SPN: variants seen among roughly 807,000 people sequenced by gnomAD.
The protein encoded by SPN is sialophorin.
Under a neutral mutation model 8.4 loss-of-function variants are expected in SPN, and 6 were observed. The observed-to-expected ratio is 0.72, with a 90% CI of 0.39 to 1.42. The LOEUF (loss-of-function observed/expected upper bound fraction) is 1.42. Ranked by LOEUF, SPN falls within the 40% of genes most tolerant of loss-of-function variation. The probability of loss-of-function intolerance (pLI) is 0.02; values close to 1 mark genes in which losing one functional copy is unlikely to be tolerated. For synonymous variants in SPN, 201 were observed against 222.6 expected, an observed-to-expected ratio of 0.90 and a Z score of 0.86; for missense variants, 517 against 530.6, an observed-to-expected ratio of 0.97 and a Z score of 0.25.
Position 29,667,066 on chromosome 16 carries a change from G to C in SPN, c.*2135G>C, listed in dbSNP as rs1966826447. 1 of 469,108 alleles carries C rather than the reference G, an allele frequency of 2.1e-6. No homozygotes were observed. Among genetic ancestry groups the C allele is most frequent in the Admixed American group, 2.4e-5 (1 of 42,514 alleles). 29.1% of individuals were successfully genotyped at this position (469,108 alleles called of 1,614,324 possible). On this transcript the variant is annotated 3_prime_UTR_variant, in exon 2 of 2. Transcript: ENST00000652691. ...CGTGCAGTGGGAGAGGAGACGGAGG[G>C]AGGGAGCGGGAAGGGGCTTGCTTAG... is the stretch of plus-strand genomic sequence containing the variant.
Position 29,663,746 on chromosome 16 carries a change from T to C in SPN, c.18T>C (p.Leu6=). 5.7e-6 allele frequency: 9 copies of C among 1,575,222 alleles called. No homozygotes were observed. Among genetic ancestry groups the C allele is most frequent in the Non-Finnish European group, 6.9e-6 (8 of 1,162,548 alleles). ...GCCTGGAAATGGCCACGCTTCTCCT[T>C]CTCCTTGGGGTGCTGGTGGTAAGCC... is the stretch of plus-strand genomic sequence containing the variant. The part of the protein sequence containing the change: MATLL[L]LLGVLVVSPD... The change falls in exon 2 of 2, where the codon CTT becomes CTC. Residue 6 remains leucine, a synonymous_variant. Coordinates refer to ENST00000652691, the MANE Select transcript of SPN (RefSeq NM_003123.6). The surrounding 1 kb of genome is among the most constrained non-coding windows in gnomAD (Gnocchi z 4.3).
Position 29,663,610 on chromosome 16 carries a change from TGGCAGGGAAGTG to T in SPN, c.-34-79_-34-68del. The T allele has an allele frequency of 7.1e-7, 1 of 1,417,544 alleles. No homozygotes were observed. Among genetic ancestry groups the T allele is most frequent in the South Asian group, 1.4e-5 (1 of 70,808 alleles). The allele number at this position is 1,417,544 out of a possible 1,614,324, so 87.8% of individuals were successfully genotyped here. On this transcript the variant is annotated intron_variant, in intron 1 of 1. Transcript: ENST00000652691. The surrounding 1 kb of genome is among the most constrained non-coding windows in gnomAD (Gnocchi z 4.3). ...TAAACCGCAGGTTGGGCCTGGCCGT[TGGCAGGGAAGTG>T]GGCAGAGGGGAGGCCCGGCCAGGTC... is the stretch of plus-strand genomic sequence containing the variant.
chr16:29,669,562 G>A lies in SPN; in HGVS notation c.*4631G>A, dbSNP rs985653357. On this transcript the variant is annotated 3_prime_UTR_variant, in exon 2 of 2. Coordinates refer to ENST00000652691, the MANE Select transcript of SPN (RefSeq NM_003123.6). ...GCAAAAGAAGCAGTGGATATTTTAA[G>A]ACTAAAAAGGAAAACAAAAAAAGGA... 1.8e-5 allele frequency: 3 copies of A among 164,738 alleles called. No homozygotes were observed. The highest frequency in any genetic ancestry group is 4.4e-5 in the Non-Finnish European group (3 of 67,866). The allele number at this position is 164,738 out of a possible 1,614,324, so 10.2% of individuals were successfully genotyped here.
In SPN at chr16:29,664,434, A is replaced by T. The variant is rs752476541; in HGVS notation, c.706A>T (p.Thr236Ser). 8.1e-6 allele frequency: 13 copies of T among 1,613,942 alleles called. No individual in the cohort carries two copies. The highest frequency in any genetic ancestry group is 7.7e-5 in the South Asian group (7 of 91,076). ...ACTATCTACAATGATGTCTCCAACG[A>T]CCTCCACCAACGCAAGCACTGTGCC... ...VKLSTMMSPT[T>S]STNASTVPFR... The change falls in exon 2 of 2, where the codon ACC becomes TCC. Residue 236 changes from threonine to serine, a missense_variant. Thr to Ser is a moderately conservative substitution (Grantham distance 58). Transcript: ENST00000652691. This position sits in a 1 kb window ranked among gnomAD's most constrained non-coding sequence, Gnocchi z 6.4.
In SPN at chr16:29,663,960, T is replaced by G. The variant is rs763545908; in HGVS notation, c.232T>G (p.Trp78Gly). 11 of 1,614,026 alleles carry G rather than the reference T, an allele frequency of 6.8e-6. No individual in the cohort carries two copies. Among genetic ancestry groups the G allele is most frequent in the Non-Finnish European group, 9.3e-6 (11 of 1,180,042 alleles). The change falls in exon 2 of 2, where the codon TGG (tryptophan) becomes GGG (glycine). Residue 78 changes from tryptophan (W) to glycine (G), a missense_variant. Trp to Gly is a radical substitution (Grantham distance 184, BLOSUM62 -2). Coordinates refer to ENST00000652691, the MANE Select transcript of SPN (RefSeq NM_003123.6). The surrounding 1 kb of genome is among the most constrained non-coding windows in gnomAD (Gnocchi z 4.3). ...STSINEGSPL[W>G]TSIGASTGSP... ...TTCCATCAATGAGGGATCCCCTCTT[T>G]GGACTTCCATTGGTGCCAGCACTGG... is the stretch of plus-strand genomic sequence containing the variant.
In SPN at chr16:29,664,582, C is replaced by G; in HGVS notation, c.854C>G (p.Thr285Ser). The change falls in exon 2 of 2, where the codon ACT becomes AGT. Residue 285 changes from threonine (T) to serine (S), a missense_variant. Coordinates refer to ENST00000652691, the MANE Select transcript of SPN (RefSeq NM_003123.6). The surrounding 1 kb of genome is among the most constrained non-coding windows in gnomAD (Gnocchi z 6.4). The stretch of plus-strand genomic sequence containing the variant: ...TGGCGCCGGCGGCAGAAGCGGCGGA[C>G]TGGGGCCCTCGTGCTGAGCAGAGGC... ...LLWRRRQKRR[T>S]GALVLSRGGK... 1 of 1,611,638 alleles carries G rather than the reference C, an allele frequency of 6.2e-7. No homozygotes were observed. The highest frequency in any genetic ancestry group is 1.1e-5 in the South Asian group (1 of 90,850).
In SPN at chr16:29,664,554, CT is replaced by C. The variant is rs778695306; in HGVS notation, c.827del (p.Leu276ArgfsTer15). ...CATAGTCCTCGTGGCTCTGCTCCTG[CT>C]GTGGCGCCGGCGGCAGAAGCGGCGG... ...AVIVLVALLL[L>X]WRRRQKRRTG... On this transcript the variant is annotated frameshift_variant, in exon 2 of 2. Coordinates refer to ENST00000652691, the MANE Select transcript of SPN (RefSeq NM_003123.6). LOFTEE classifies it high-confidence loss of function. This position sits in a 1 kb window ranked among gnomAD's most constrained non-coding sequence, Gnocchi z 6.4. 2 of 1,613,520 alleles carry C rather than the reference CT, an allele frequency of 1.2e-6. No individual in the cohort carries two copies. The highest frequency in any genetic ancestry group is 3.3e-5 in the Admixed American group (2 of 59,962).
Position 29,663,661 on chromosome 16 carries a change from C to T in SPN, c.-34-34C>T, listed in dbSNP as rs1490543896. 2.8e-5 allele frequency: 43 copies of T among 1,511,840 alleles called. No individual in the cohort carries two copies. The highest frequency in any genetic ancestry group is 5.0e-4 in the Middle Eastern group (2 of 3,994). 93.7% of individuals were successfully genotyped at this position (1,511,840 alleles called of 1,614,324 possible). A position where few individuals can be genotyped will look rare whatever the true frequency, so the allele number is the denominator to read the frequency against. ...CCCGGCCAGGTCCTCCGGCAACTCCCGCGTGTTCTGCTTCTCCGGCTGCCC... is the reference window on the plus strand; with the variant it reads ...CCCGGCCAGGTCCTCCGGCAACTCCTGCGTGTTCTGCTTCTCCGGCTGCCC... On this transcript the variant is annotated intron_variant, in intron 1 of 1. Transcript: ENST00000652691. This position sits in a 1 kb window ranked among gnomAD's most constrained non-coding sequence, Gnocchi z 4.3.
Position 29,663,859 on chromosome 16 carries a change from T to C in SPN, c.131T>C (p.Met44Thr). 1 of 1,614,086 alleles carries C rather than the reference T, an allele frequency of 6.2e-7. No homozygotes were observed. Among genetic ancestry groups the C allele is most frequent in the East Asian group, 2.2e-5 (1 of 44,866 alleles). Reference sequence around the variant, plus strand: ...ACTAGCGAGCCCCTGAGCTCAAAGATGTACACCACTTCAATAACAAGTGAC... The same window carrying C: ...ACTAGCGAGCCCCTGAGCTCAAAGACGTACACCACTTCAATAACAAGTGAC... The part of the protein sequence containing the change: ...VSTSEPLSSK[M>T]YTTSITSDPK... The change falls in exon 2 of 2, where the codon ATG becomes ACG. Residue 44 changes from methionine to threonine, a missense_variant. Coordinates refer to ENST00000652691, the MANE Select transcript of SPN (RefSeq NM_003123.6). This position sits in a 1 kb window ranked among gnomAD's most constrained non-coding sequence, Gnocchi z 4.3.
chr16:29,667,043 T>G lies in SPN; in HGVS notation c.*2112T>G, dbSNP rs1211339733. On this transcript the variant is annotated 3_prime_UTR_variant, in exon 2 of 2. Coordinates refer to ENST00000652691, the MANE Select transcript of SPN (RefSeq NM_003123.6). ...AAGGGTCAGGTGGGGGATGGGCTCG[T>G]GCAGTGGGAGAGGAGACGGAGGGAG... The G allele has an allele frequency of 2.1e-6, 1 of 470,014 alleles. No individual in the cohort carries two copies. The highest frequency in any genetic ancestry group is 4.4e-6 in the Non-Finnish European group (1 of 226,584). The allele number at this position is 470,014 out of a possible 1,614,324, so 29.1% of individuals were successfully genotyped here. A position where few individuals can be genotyped will look rare whatever the true frequency, so the allele number is the denominator to read the frequency against.
At position 29,668,281 on chromosome 16, in the gene SPN, C is replaced by T. The variant is rs1966839455; in HGVS notation, c.*3350C>T. The T allele has an allele frequency of 6.5e-6, 1 of 154,382 alleles. No homozygotes were observed. The highest frequency in any genetic ancestry group is 1.5e-5 in the Non-Finnish European group (1 of 68,046). 9.6% of individuals were successfully genotyped at this position (154,382 alleles called of 1,614,324 possible). ...TGTTGTCCCGGCTGGTCTCAAACTC[C>T]CGGGCACAAGAGATCCACCTGCCTC... On this transcript the variant is annotated 3_prime_UTR_variant, in exon 2 of 2. Coordinates refer to ENST00000652691, the MANE Select transcript of SPN (RefSeq NM_003123.6).
chr16:29,670,809 G>C lies in SPN; in HGVS notation c.*5878G>C. On this transcript the variant is annotated 3_prime_UTR_variant, in exon 2 of 2. Coordinates refer to ENST00000652691, the MANE Select transcript of SPN (RefSeq NM_003123.6). ...TGAGTTTATGTGTGATTTTTATTTT[G>C]TTTATGCTCTTCTGTATTTTCCGAA... 2.2e-6 allele frequency: 1 copy of C among 453,860 alleles called. No homozygotes were observed. The allele number at this position is 453,860 out of a possible 1,614,324, so 28.1% of individuals were successfully genotyped here. A position where few individuals can be genotyped will look rare whatever the true frequency, so the allele number is the denominator to read the frequency against.
In SPN at chr16:29,666,552, ACGCGCG is replaced by A. The variant is rs1555490176; in HGVS notation, c.*1633_*1638del. 2.1e-4 allele frequency: 32 copies of A among 148,972 alleles called. 1 individual carries two copies. The highest frequency in any genetic ancestry group is 1.7e-3 in the South Asian group (7 of 4,174). The allele number at this position is 148,972 out of a possible 1,614,324, so 9.2% of individuals were successfully genotyped here. On this transcript the variant is annotated 3_prime_UTR_variant, in exon 2 of 2. Transcript: ENST00000652691. ...CACACACACACACACACACACACAC[ACGCGCG>A]CGCGCGCGCGCTCTCCTGCGAACAG...
chr16:29,664,578 C>A lies in SPN; in HGVS notation c.850C>A (p.Arg284=), dbSNP rs552463180. ...LLLWRRRQKR[R]TGALVLSRGG... ...GCTGTGGCGCCGGCGGCAGAAGCGG[C>A]GGACTGGGGCCCTCGTGCTGAGCAG... Residue 284 remains arginine, a synonymous_variant, in exon 2 of 2, where the codon CGG becomes AGG. Coordinates refer to ENST00000652691, the MANE Select transcript of SPN (RefSeq NM_003123.6). The surrounding 1 kb of genome is among the most constrained non-coding windows in gnomAD (Gnocchi z 6.4). The A allele has an allele frequency of 6.2e-7, 1 of 1,611,900 alleles. No individual in the cohort carries two copies. The highest frequency in any genetic ancestry group is 8.5e-7 in the Non-Finnish European group (1 of 1,179,250).
rs779979098 is a variant in SPN, at chr16:29,666,681, T to G, written c.*1750T>G. ...GGTTTAGTTTGTCTGTGTCTCCTCT[T>G]CCATCCCAGGGGCTGAGCCCCTTCC... On this transcript the variant is annotated 3_prime_UTR_variant, in exon 2 of 2. Transcript: ENST00000652691. 3.5e-5 allele frequency: 12 copies of G among 339,520 alleles called. No individual in the cohort carries two copies. Among genetic ancestry groups the G allele is most frequent in the Admixed American group, 7.8e-5 (2 of 25,770 alleles). 21.0% of individuals were successfully genotyped at this position (339,520 alleles called of 1,614,324 possible).
rs61534947 is a variant in SPN, at chr16:29,666,524, T to TCA, written c.*1621_*1622dup. On this transcript the variant is annotated 3_prime_UTR_variant, in exon 2 of 2. Transcript: ENST00000652691. ...TGCGCTCTCTCTCTCTCTCTCTCTC[T>TCA]CACACACACACACACACACACACAC... 0.056 allele frequency: 7,622 copies of TCA among 137,160 alleles called. 254 individuals are homozygous for TCA. The highest frequency in any genetic ancestry group is 0.068 in the Non-Finnish European group (4,407 of 64,500). The allele number at this position is 137,160 out of a possible 1,614,324, so 8.5% of individuals were successfully genotyped here.
chr16:29,670,866 A>G lies in SPN; in HGVS notation c.*5935A>G, dbSNP rs1362771411. 4.4e-6 allele frequency: 2 copies of G among 451,464 alleles called. No individual in the cohort carries two copies. The highest frequency in any genetic ancestry group is 1.6e-5 in the South Asian group (1 of 63,916). 28.0% of individuals were successfully genotyped at this position (451,464 alleles called of 1,614,324 possible). ...ACAATAAATATCTGTTACTTTTACA[A>G]TATGAAAAAATAGTGGTCAAAAAGG... is the stretch of plus-strand genomic sequence containing the variant. On this transcript the variant is annotated 3_prime_UTR_variant, in exon 2 of 2. Coordinates refer to ENST00000652691, the MANE Select transcript of SPN (RefSeq NM_003123.6).
Position 29,666,847 on chromosome 16 carries a change from TG to T in SPN, c.*1919del. 8.5e-6 allele frequency: 4 copies of T among 468,198 alleles called. No individual in the cohort carries two copies. Among genetic ancestry groups the T allele is most frequent in the Non-Finnish European group, 1.8e-5 (4 of 225,096 alleles). The allele number at this position is 468,198 out of a possible 1,614,324, so 29.0% of individuals were successfully genotyped here. ...CCAGGCTACAGCCCAGGAGCACACATGGGCCAGGGCAGTTGGTATTTCCCGA... is the reference window on the plus strand; with the variant it reads ...CCAGGCTACAGCCCAGGAGCACACATGGCCAGGGCAGTTGGTATTTCCCGA... On this transcript the variant is annotated 3_prime_UTR_variant, in exon 2 of 2. Transcript: ENST00000652691.
Position 29,664,532 on chromosome 16 carries a change from A to G in SPN, c.804A>G (p.Ile268Met). The G allele has an allele frequency of 3.7e-6, 6 of 1,613,974 alleles. No homozygotes were observed. The highest frequency in any genetic ancestry group is 5.1e-6 in the Non-Finnish European group (6 of 1,179,968). The stretch of plus-strand genomic sequence containing the variant: ...TGCTTGTGGCCCTGCTGGCGGTCAT[A>G]GTCCTCGTGGCTCTGCTCCTGCTGT... ...VAVLVALLAV[I>M]VLVALLLLWR... Residue 268 changes from isoleucine to methionine, a missense_variant, in exon 2 of 2, where the codon ATA becomes ATG. Ile to Met is a conservative substitution (Grantham distance 10, BLOSUM62 1). Transcript: ENST00000652691. This position sits in a 1 kb window ranked among gnomAD's most constrained non-coding sequence, Gnocchi z 6.4.
Sources: gnomAD v4.1 joint callset for allele counts on GRCh38, gnomAD v4.1.1 for gene constraint, Gnocchi (gnomAD v3.1) non-coding constraint, MANE v1.5 for transcripts, NCBI Gene and HGNC (gene_info 2026-07-23, HGNC 2026-07-21) for gene names.